CNTNAP4: variants seen among roughly 807,000 people sequenced by gnomAD.
The protein encoded by CNTNAP4 is contactin-associated protein-like 4.
Under a neutral mutation model 148.4 loss-of-function variants are expected in CNTNAP4, and 98 were observed. The ratio of observed to expected loss-of-function variants is 0.66; its 90% CI spans 0.56 to 0.78. The LOEUF (loss-of-function observed/expected upper bound fraction) is 0.78, where lower values mean the gene tolerates loss of function less well. CNTNAP4 is among the 30% of genes least tolerant of loss of function. The pLI is 0.00. For synonymous variants in CNTNAP4, 730 were observed against 565.1 expected (o/e 1.29, Z -4.14); for missense variants, 1,935 against 1,565.6 (o/e 1.24, Z -3.98).
At position 76,338,307 on chromosome 16, in the gene CNTNAP4, C is replaced by T. The variant is rs1024548849; in HGVS notation, c.197-17011C>T. On this transcript the variant is annotated intron_variant, in intron 2 of 23. Transcript: ENST00000611870. The stretch of plus-strand genomic sequence containing the variant: ...AGCTGGTCCCTCCATTCGGGGTCCC[C>T]GACTTCCCATAACAATCTGGCTCCA... Among the ~76,000 whole-genome samples, 12 of 152,274 alleles carry T rather than the reference C, an allele frequency of 7.9e-5. No homozygotes were observed. The South Asian group carries it at 8.3e-4, about 11-fold the overall frequency.
intron 9 of CNTNAP4, among the ~76,000 whole-genome samples, chr16:76,463,296 A>T (rs749752540): frequency 7.2e-5 from 11 of 152,226 alleles, no homozygotes; most frequent in Non-Finnish European, 1.6e-4. Flanking sequence ...ATAAATAGGC[A>T]TATTGTTAAA....
intron 4 of CNTNAP4, among the ~76,000 whole-genome samples, chr16:76,446,466 G>A (rs1033881633): frequency 6.6e-6 from 1 of 152,080 alleles, no homozygotes. Context: ...AATGTCTCTT[G>A]TTCAGGTGCA....
chr16:76,451,158 C>G lies in CNTNAP4; in HGVS notation c.1071+1300C>G, dbSNP rs114766672. 1.6e-3 allele frequency among the ~76,000 whole-genome samples: 246 copies of G among 152,284 alleles called. 1 individual carries two copies. The highest frequency in any genetic ancestry group is 5.7e-3 in the African/African-American group (238 of 41,552). ...GCAGGAGAGCAAGGACAGACTGGAA[C>G]AAACCAGCCGCTGTGTGACCACCCC... On this transcript the variant is annotated intron_variant, in intron 7 of 23. Coordinates refer to ENST00000611870, the MANE Select transcript of CNTNAP4 (RefSeq NM_033401.5).
At chr16:76,489,292 A>G (rs1197950660) in intron 12 of CNTNAP4, among the ~76,000 whole-genome samples, 1 of 152,150 alleles carries the variant, frequency 6.6e-6, no homozygotes, top group East Asian at 1.9e-4. Flanking sequence ...TTGTAGTTAT[A>G]ATAGGCAGCA....
At chr16:76,393,497 A>G (rs1314779826) in intron 3 of CNTNAP4, among the ~76,000 whole-genome samples, 1 of 152,154 alleles carries the variant, frequency 6.6e-6, no homozygotes, top group Non-Finnish European at 1.5e-5. Context: ...CTGAGTGTAC[A>G]GAGATGAATG....
chr16:76,328,446 A>C (rs749850191), intron 2 of CNTNAP4, among the ~76,000 whole-genome samples: 1 of 152,234 alleles, frequency 6.6e-6, no homozygotes, highest in East Asian at 1.9e-4. Flanking sequence ...CTGAGACGTG[A>C]TCACTAAATG....
chr16:76,306,121 A>G (rs377663480), intron 1 of CNTNAP4, among the ~76,000 whole-genome samples: 2 of 152,184 alleles, frequency 1.3e-5, no homozygotes, highest in African/African-American at 2.4e-5. Context: ...TGATGAATAT[A>G]TGAATGTATG....
intron 3 of CNTNAP4, among the ~76,000 whole-genome samples, chr16:76,374,863 G>T (rs1329393651): frequency 6.6e-6 from 1 of 151,572 alleles, no homozygotes; most frequent in African/African-American, 2.4e-5. Context: ...CTGCCTCCTG[G>T]GTTCAAATGA....
intron 3 of CNTNAP4, among the ~76,000 whole-genome samples, chr16:76,373,726 C>G (rs1413605370): frequency 6.6e-6 from 1 of 151,770 alleles, no homozygotes; most frequent in Admixed American, 6.6e-5. Flanking sequence ...GAAACCCTAT[C>G]TCTACTAAAA....
At chr16:76,441,768 A>G (rs1039390390) in intron 4 of CNTNAP4, among the ~76,000 whole-genome samples, 3 of 152,156 alleles carry the variant, frequency 2.0e-5, no homozygotes, top group Non-Finnish European at 2.9e-5. Context: ...ATTTTTTGCT[A>G]TGCACCTTTT....
chr16:76,347,512 A>G (rs933765798), intron 2 of CNTNAP4, among the ~76,000 whole-genome samples: 6 of 152,264 alleles, frequency 3.9e-5, no homozygotes, highest in African/African-American at 1.2e-4. Context: ...TATAAAAAAG[A>G]TGGAGATTTC....
chr16:76,362,802 A>G (rs1054370657), intron 3 of CNTNAP4, among the ~76,000 whole-genome samples: 1 of 152,210 alleles, frequency 6.6e-6, no homozygotes, highest in Admixed American at 6.5e-5. Flanking sequence ...GTGAGGTACT[A>G]TGCTTATTAC....
chr16:76,311,748 G>A (rs8044656), intron 1 of CNTNAP4, among the ~76,000 whole-genome samples: 49,271 of 151,760 alleles, frequency 0.32, 8,403 homozygotes, highest in Non-Finnish European at 0.36. Flanking sequence ...TAATTGTACA[G>A]ACGTCCATGA....
intron 8 of CNTNAP4, among the ~76,000 whole-genome samples, chr16:76,453,315 T>A (rs1322300428): frequency 1.3e-5 from 2 of 152,364 alleles, no homozygotes; most frequent in East Asian, 1.9e-4. Flanking sequence ...ATTCCTCAGT[T>A]GTCACCAAAT....
intron 2 of CNTNAP4, among the ~76,000 whole-genome samples, chr16:76,333,678 C>G (rs1300005525): frequency 6.6e-6 from 1 of 151,358 alleles, no homozygotes; most frequent in African/African-American, 2.4e-5. Flanking sequence ...TTGGTTGTTG[C>G]CGAAAACTAG....
chr16:76,404,432 TCA>T (rs1207902411), intron 3 of CNTNAP4, among the ~76,000 whole-genome samples: 1 of 151,232 alleles, frequency 6.6e-6, no homozygotes, highest in South Asian at 2.1e-4. Context: ...AGCAATGCTA[TCA>T]CACACACACA....
intron 4 of CNTNAP4, among the ~76,000 whole-genome samples, chr16:76,443,383 T>C (rs991117005): frequency 1.3e-5 from 2 of 152,166 alleles, no homozygotes; most frequent in African/African-American, 4.8e-5. Flanking sequence ...AAAGATTGTC[T>C]TCCCAGCCTG....
At chr16:76,548,909 G>C (rs1204618780) in intron 21 of CNTNAP4, among the ~76,000 whole-genome samples, 1 of 152,176 alleles carries the variant, frequency 6.6e-6, no homozygotes, top group Non-Finnish European at 1.5e-5. Flanking sequence ...GTATTTCTAA[G>C]GCCAGCTTTG....
At chr16:76,428,668 C>G (rs2079505144) in intron 4 of CNTNAP4, among the ~76,000 whole-genome samples, 1 of 151,958 alleles carries the variant, frequency 6.6e-6, no homozygotes, top group Non-Finnish European at 1.5e-5. Context: ...CCATCTCTAC[C>G]ATCAAACATA....
Sources: allele counts gnomAD v4.1 joint callset (sites outside exome capture counted in the v4.1 genomes callset), GRCh38; gene constraint gnomAD v4.1.1; transcripts MANE v1.5; gene names NCBI Gene and HGNC (gene_info 2026-07-23, HGNC 2026-07-21).